The following HS3ST3A1 variants were observed in gnomAD, a reference collection of about 807,000 sequenced individuals.
HS3ST3A1 encodes the protein heparan sulfate-glucosamine 3-sulfotransferase 3A1.
Under a neutral mutation model 25.7 loss-of-function variants are expected in HS3ST3A1, and 19 were observed. The ratio of observed to expected loss-of-function variants is 0.74; its 90% CI spans 0.52 to 1.08. HS3ST3A1 has a LOEUF of 1.08. Among genes scored for constraint, HS3ST3A1 ranks in the 50% least tolerant of loss-of-function variants. The pLI is 0.00. For missense variants in HS3ST3A1, 459 were observed against 594.3 expected (o/e 0.77, Z 2.37); for synonymous variants, 226 against 278.6 (o/e 0.81, Z 1.88).
intron 1 of HS3ST3A1, among the ~76,000 whole-genome samples, chr17:13,576,447 CCAGA>C (rs796992114): frequency 3.7e-4 from 56 of 152,322 alleles, no homozygotes; most frequent in African/African-American, 1.3e-3. Context: ...TCAAGTCACT[CCAGA>C]CAGAGAACGC....
intron 1 of HS3ST3A1, among the ~76,000 whole-genome samples, chr17:13,532,942 A>G (rs998207772): frequency 4.6e-5 from 7 of 151,608 alleles, no homozygotes; most frequent in Non-Finnish European, 1.0e-4. Flanking sequence ...TTGACTTATG[A>G]TAAAAATGGA....
In HS3ST3A1 at chr17:13,499,382, G is replaced by A. The variant is rs548969479; in HGVS notation, c.600-2564C>T. ...CAGTGAAGGAAATTTAATCAGATGC[G>A]TGAAAAAGTTTTGGGCTTGGAAAGC... is the stretch of plus-strand genomic sequence containing the variant. On this transcript the variant is annotated intron_variant, in intron 1 of 1. Coordinates refer to ENST00000284110, the MANE Select transcript of HS3ST3A1 (RefSeq NM_006042.3). Among the ~76,000 whole-genome samples the A allele has an allele frequency of 3.0e-3, 457 of 152,314 alleles. 4 individuals are homozygous for A. Among genetic ancestry groups the A allele is most frequent in the Non-Finnish European group, 4.8e-3 (324 of 68,030 alleles).
At chr17:13,506,527 T>C (rs1905681402) in intron 1 of HS3ST3A1, among the ~76,000 whole-genome samples, 1 of 152,224 alleles carries the variant, frequency 6.6e-6, no homozygotes, top group South Asian at 2.1e-4. Flanking sequence ...ATCAACGGAA[T>C]TGATTTCAAA....
intron 1 of HS3ST3A1, among the ~76,000 whole-genome samples, chr17:13,591,811 G>A (rs1041647669): frequency 7.9e-5 from 12 of 151,716 alleles, no homozygotes; most frequent in Non-Finnish European, 1.6e-4. Flanking sequence ...GGGCGTCCAC[G>A]ACCACATCCG....
chr17:13,523,717 C>T (rs906729354), intron 1 of HS3ST3A1, among the ~76,000 whole-genome samples: 40 of 152,228 alleles, frequency 2.6e-4, no homozygotes, highest in Admixed American at 1.8e-3. Flanking sequence ...TTTTTGCCTG[C>T]TTTGTTTCCC....
chr17:13,499,048 A>T (rs1416420157), intron 1 of HS3ST3A1, among the ~76,000 whole-genome samples: 1 of 152,056 alleles, frequency 6.6e-6, no homozygotes, highest in Non-Finnish European at 1.5e-5. Context: ...AATTTTTGAA[A>T]TAAATGTGAA....
intron 1 of HS3ST3A1, among the ~76,000 whole-genome samples, chr17:13,513,020 A>T (rs912840843): frequency 6.6e-6 from 1 of 152,226 alleles, no homozygotes; most frequent in Middle Eastern, 3.2e-3. Flanking sequence ...ACAGTTTATT[A>T]GCTTGATTCA....
At chr17:13,570,193 A>T (rs2042671609) in intron 1 of HS3ST3A1, among the ~76,000 whole-genome samples, 1 of 149,418 alleles carries the variant, frequency 6.7e-6, no homozygotes, top group Non-Finnish European at 1.5e-5. Flanking sequence ...TGATCTTAGG[A>T]TATGGAAGAC....
At chr17:13,563,229 A>T (rs1209458743) in intron 1 of HS3ST3A1, among the ~76,000 whole-genome samples, 1 of 152,058 alleles carries the variant, frequency 6.6e-6, no homozygotes, top group African/African-American at 2.4e-5. Context: ...AGCAAAGGGT[A>T]GAACCACATC....
In HS3ST3A1 at chr17:13,560,289, C is replaced by CAAAAAAAA. The variant is rs10632927; in HGVS notation, c.599+40234_599+40241dup. 7.2e-3 allele frequency among the ~76,000 whole-genome samples: 125 copies of CAAAAAAAA among 17,378 alleles called. 30 individuals are homozygous for CAAAAAAAA. Among genetic ancestry groups the CAAAAAAAA allele is most frequent in the Admixed American group, 0.025 (21 of 824 alleles). The allele number at this position is 17,378 out of a possible 152,430, so 11.4% of individuals were successfully genotyped here. A position where few individuals can be genotyped will look rare whatever the true frequency, so the allele number is the denominator to read the frequency against. On this transcript the variant is annotated intron_variant, in intron 1 of 1. Coordinates refer to ENST00000284110, the MANE Select transcript of HS3ST3A1 (RefSeq NM_006042.3). ...TGGGCAACAGAGGGACACTCGTCTC[C>CAAAAAAAA]AAAAAAAAAAAAAAAAAAAAAAAAA...
intron 1 of HS3ST3A1, among the ~76,000 whole-genome samples, chr17:13,513,677 C>T (rs1391264263): frequency 6.6e-6 from 1 of 152,194 alleles, no homozygotes; most frequent in Non-Finnish European, 1.5e-5. Flanking sequence ...TACACATCTA[C>T]TTCGTTTTAA....
intron 1 of HS3ST3A1, among the ~76,000 whole-genome samples, chr17:13,551,066 CAAAAAA>C (rs3080921): frequency 8.1e-6 from 1 of 123,940 alleles, no homozygotes; most frequent in Non-Finnish European, 1.6e-5. Context: ...GACTCTGTCT[CAAAAAA>C]AAAAAAAAAA....
At chr17:13,547,229 G>A (rs896776843) in intron 1 of HS3ST3A1, among the ~76,000 whole-genome samples, 1 of 151,932 alleles carries the variant, frequency 6.6e-6, no homozygotes, top group Non-Finnish European at 1.5e-5. Context: ...AAAAAATTTG[G>A]TCTTTGTCCC....
At chr17:13,527,620 G>A (rs1271732894) in intron 1 of HS3ST3A1, among the ~76,000 whole-genome samples, 1 of 152,148 alleles carries the variant, frequency 6.6e-6, no homozygotes, top group Admixed American at 6.5e-5. Flanking sequence ...CTTTGGAAAT[G>A]CGTCTAAGAT....
intron 1 of HS3ST3A1, among the ~76,000 whole-genome samples, chr17:13,599,571 A>G (rs1908663828): frequency 6.6e-6 from 1 of 152,198 alleles, no homozygotes; most frequent in South Asian, 2.1e-4. Flanking sequence ...CATAATTTTT[A>G]CTGGTACTTT....
At chr17:13,499,706 CA>C (rs2142290793) in intron 1 of HS3ST3A1, among the ~76,000 whole-genome samples, 1 of 152,146 alleles carries the variant, frequency 6.6e-6, no homozygotes, top group South Asian at 2.1e-4. Context: ...ACCACTAAAA[CA>C]AGGAACCATA....
chr17:13,560,019 G>A (rs997903093), intron 1 of HS3ST3A1, among the ~76,000 whole-genome samples: 2 of 151,684 alleles, frequency 1.3e-5, no homozygotes, highest in African/African-American at 2.4e-5. Flanking sequence ...GCCGGGCGTG[G>A]TGGTTCACGC....
Position 13,600,807 on chromosome 17 carries a change from C to A in HS3ST3A1, c.323G>T (p.Gly108Val). ...RRRPPAPRDD[G>V]EEAAWEEESP... Reference sequence around the variant, plus strand: ...CTCTTCTTCCCAGGCCGCCTCCTCGCCGTCGTCGCGGGGCGCGGGCGGCCG... The same window carrying A: ...CTCTTCTTCCCAGGCCGCCTCCTCGACGTCGTCGCGGGGCGCGGGCGGCCG... Residue 108 changes from glycine to valine, a missense_variant, in exon 1 of 2, where the codon GGC (glycine) becomes GTC (valine). Gly to Val is a moderately radical substitution (Grantham distance 109, BLOSUM62 -3). Coordinates refer to ENST00000284110, the MANE Select transcript of HS3ST3A1 (RefSeq NM_006042.3). 7.1e-7 allele frequency: 1 copy of A among 1,418,274 alleles called. No individual in the cohort carries two copies. The allele number at this position is 1,418,274 out of a possible 1,614,324, so 87.9% of individuals were successfully genotyped here. A position where few individuals can be genotyped will look rare whatever the true frequency, so the allele number is the denominator to read the frequency against.
At chr17:13,565,925 C>G (rs1431695238) in intron 1 of HS3ST3A1, among the ~76,000 whole-genome samples, 1 of 152,188 alleles carries the variant, frequency 6.6e-6, no homozygotes, top group African/African-American at 2.4e-5. Flanking sequence ...CACCCTTTTA[C>G]AGTTCCATCT....
Sources: allele counts gnomAD v4.1 joint callset (sites outside exome capture counted in the v4.1 genomes callset), GRCh38; gene constraint gnomAD v4.1.1; transcripts MANE v1.5; gene names NCBI Gene and HGNC (gene_info 2026-07-23, HGNC 2026-07-21).